The following AMPH variants were observed in gnomAD, a reference collection of about 807,000 sequenced individuals.
AMPH encodes the protein amphiphysin.
Under a neutral mutation model 99.1 loss-of-function variants are expected in AMPH, and 49 were observed. The observed-to-expected ratio is 0.49, with a 90% confidence interval of 0.39 to 0.63. The LOEUF is 0.63. AMPH is among the 20% of genes least tolerant of loss of function. The pLI, the probability that AMPH is intolerant of heterozygous loss-of-function variation, is 0.00. For synonymous variants in AMPH, 314 were observed against 317.3 expected, an observed-to-expected ratio of 0.99 and a Z score of 0.11; for missense variants, 759 against 863.4, an observed-to-expected ratio of 0.88 and a Z score of 1.52.
At chr7:38,448,646 A>C (rs536560883) in intron 11 of AMPH, among the ~76,000 whole-genome samples, 2 of 152,322 alleles carry the variant, frequency 1.3e-5, no homozygotes, top group Admixed American at 1.3e-4. Context: ...ATCATGGTTG[A>C]CCATGGGTAA....
intron 3 of AMPH, 130 bp downstream of exon 3, chr7:38,503,520 C>G: frequency 1.6e-6 from 1 of 628,746 alleles, no homozygotes; most frequent in Non-Finnish European, 2.7e-6. Context: ...TGGAATGGAA[C>G]ACCTGTGTTC....
chr7:38,571,592 T>C (rs1417793821), intron 1 of AMPH, among the ~76,000 whole-genome samples: 1 of 145,508 alleles, frequency 6.9e-6, no homozygotes, highest in Non-Finnish European at 1.5e-5. Flanking sequence ...AGAAAAAAGC[T>C]TATAGAATAA....
chr7:38,417,721 G>T, intron 17 of AMPH, 104 bp downstream of exon 17: 1 of 1,455,600 alleles, frequency 6.9e-7, no homozygotes. Flanking sequence ...TATGGAGCAT[G>T]TTTGGCCCAA....
At chr7:38,407,574 T>C (rs1785083086) in intron 17 of AMPH, among the ~76,000 whole-genome samples, 1 of 151,958 alleles carries the variant, frequency 6.6e-6, no homozygotes, top group Non-Finnish European at 1.5e-5. Flanking sequence ...AATATAACCA[T>C]ATAATAAACC....
At chr7:38,462,939 GA>G in intron 10 of AMPH, 35 bp downstream of exon 10, 1 of 1,513,552 alleles carries the variant, frequency 6.6e-7, no homozygotes, top group East Asian at 2.3e-5. Flanking sequence ...ATCTCATCAT[GA>G]GCTCTATCCC....
chr7:38,508,280 GA>G (rs2129029120), intron 2 of AMPH, among the ~76,000 whole-genome samples: 1 of 152,162 alleles, frequency 6.6e-6, no homozygotes, highest in African/African-American at 2.4e-5. Flanking sequence ...AAATGCACAA[GA>G]AAAAACAAAC....
chr7:38,578,794 A>C (rs1396093314), intron 1 of AMPH, among the ~76,000 whole-genome samples: 1 of 152,156 alleles, frequency 6.6e-6, no homozygotes, highest in Non-Finnish European at 1.5e-5. Context: ...CAAATTAAAG[A>C]AACCCCTAAC....
intron 11 of AMPH, among the ~76,000 whole-genome samples, chr7:38,441,117 T>C (rs1336084746): frequency 6.6e-6 from 1 of 151,994 alleles, no homozygotes; most frequent in Non-Finnish European, 1.5e-5. Context: ...GCTGTAGTAA[T>C]TACATTAACA....
At chr7:38,456,013 C>T (rs568618476) in intron 11 of AMPH, among the ~76,000 whole-genome samples, 1 of 152,234 alleles carries the variant, frequency 6.6e-6, no homozygotes, top group Non-Finnish European at 1.5e-5. Context: ...GCCTATACTA[C>T]ACCACCTTAG....
intron 19 of AMPH, 27 bp downstream of exon 19, chr7:38,391,721 T>A (rs1338188528): frequency 1.2e-6 from 2 of 1,601,488 alleles, no homozygotes; most frequent in Non-Finnish European, 1.7e-6. Context: ...AAAAAAAGGA[T>A]AAATGAGACT....
chr7:38,401,769 T>C (rs1265459701), intron 17 of AMPH, among the ~76,000 whole-genome samples: 2 of 152,214 alleles, frequency 1.3e-5, no homozygotes, highest in Non-Finnish European at 2.9e-5. Flanking sequence ...TACATTTCAA[T>C]GTAGTCTCTC....
At chr7:38,608,270 G>C (rs1292142596) in intron 1 of AMPH, among the ~76,000 whole-genome samples, 1 of 152,180 alleles carries the variant, frequency 6.6e-6, no homozygotes, top group Non-Finnish European at 1.5e-5. Context: ...AGCTTTCCCA[G>C]GTGCAGCTTC....
At position 38,503,337 on chromosome 7, in the gene AMPH, C is replaced by T. The variant is rs1004230682; in HGVS notation, c.205+313G>A. On this transcript the variant is annotated intron_variant, in intron 3 of 20. Coordinates refer to ENST00000356264, the MANE Select transcript of AMPH (RefSeq NM_001635.4). ...ATGTGGTCTCCCTCAGGAGGTAAGCCGGCTGCAGCTTTTCTTAAACAAGGT... is the reference window on the plus strand; with the variant it reads ...ATGTGGTCTCCCTCAGGAGGTAAGCTGGCTGCAGCTTTTCTTAAACAAGGT... Among the ~76,000 whole-genome samples, 3 of 152,100 alleles carry T rather than the reference C, an allele frequency of 2.0e-5. No homozygotes were observed. The East Asian group carries it at 5.8e-4, about 29-fold the overall frequency.
intron 10 of AMPH, among the ~76,000 whole-genome samples, chr7:38,462,619 C>G (rs1787492389): frequency 6.6e-6 from 1 of 152,136 alleles, no homozygotes; most frequent in African/African-American, 2.4e-5. Flanking sequence ...TACCTGCCAA[C>G]TCTAAACCAC....
chr7:38,441,788 G>A (rs12540696), intron 11 of AMPH, among the ~76,000 whole-genome samples: 27,824 of 42,272 alleles, frequency 0.66, 8,130 homozygotes, highest in African/African-American at 0.77. Context: ...TCATATATCT[G>A]TCATATATAT....
chr7:38,429,415 C>T (rs1562748452), intron 14 of AMPH: 2 of 1,293,078 alleles, frequency 1.5e-6, no homozygotes, highest in Non-Finnish European at 2.0e-6. Flanking sequence ...TCTCCAAACC[C>T]ACCTGAGGTA....
At chr7:38,545,800 T>C (rs1790975549) in intron 1 of AMPH, among the ~76,000 whole-genome samples, 1 of 152,180 alleles carries the variant, frequency 6.6e-6, no homozygotes. Context: ...TGCCAGGACA[T>C]AATTACCAAG....
intron 17 of AMPH, among the ~76,000 whole-genome samples, chr7:38,398,772 A>G (rs77939428): frequency 0.058 from 8,832 of 152,338 alleles, 356 homozygotes; most frequent in East Asian, 0.19. Flanking sequence ...ACTACATGTC[A>G]TATATCTGTA....
At chr7:38,454,327 C>T (rs73118200) in intron 11 of AMPH, among the ~76,000 whole-genome samples, 3,950 of 152,200 alleles carry the variant, frequency 0.026, 74 homozygotes, top group Admixed American at 0.054. Flanking sequence ...CGGCATATTA[C>T]GCATAGTGTA....
Sources: gnomAD v4.1 joint callset for allele counts (sites outside exome capture counted in the v4.1 genomes callset) on GRCh38, gnomAD v4.1.1 for gene constraint, MANE v1.5 for transcripts, NCBI Gene and HGNC (gene_info 2026-07-23, HGNC 2026-07-21) for gene names.